CTNNA3: variants seen among roughly 807,000 people sequenced by gnomAD.
CTNNA3 encodes the protein catenin alpha 3.
A neutral mutation model predicts 95.7 loss-of-function variants in CTNNA3; 76 were observed. The observed-to-expected ratio is 0.79, with a 90% confidence interval of 0.66 to 0.96. CTNNA3 has a LOEUF of 0.96. Ranked by LOEUF, CTNNA3 falls within the 40% of genes least tolerant of loss-of-function variation. CTNNA3 has a pLI of 0.00. For synonymous variants in CTNNA3, 431 were observed against 374.4 expected (o/e 1.15, Z -1.74); for missense variants, 1,191 against 1,089.8 (o/e 1.09, Z -1.31).
In CTNNA3 at chr10:66,373,113, A is replaced by C. The variant is rs141299212; in HGVS notation, c.1732+6039T>G. The stretch of plus-strand genomic sequence containing the variant: ...ATTTTTTAAAAAATAAGGCTATACC[A>C]ACAGTGTCACTTTAGATTACTCCAT... On this transcript the variant is annotated intron_variant, in intron 12 of 17. Coordinates refer to ENST00000433211, the MANE Select transcript of CTNNA3 (RefSeq NM_013266.4). Among the ~76,000 whole-genome samples the C allele has an allele frequency of 1.6e-4, 24 of 152,276 alleles. No homozygotes were observed. The East Asian group carries it at 4.4e-3, about 28-fold the overall frequency.
At chr10:67,005,583 T>C (rs1377858644) in intron 7 of CTNNA3, among the ~76,000 whole-genome samples, 3 of 150,868 alleles carry the variant, frequency 2.0e-5, no homozygotes, top group Non-Finnish European at 3.0e-5. Context: ...TGAATATATC[T>C]GATGAATCGG....
At chr10:66,417,568 GA>G (rs1469063907) in intron 11 of CTNNA3, among the ~76,000 whole-genome samples, 1 of 151,914 alleles carries the variant, frequency 6.6e-6, no homozygotes, top group East Asian at 1.9e-4. Context: ...AACAACTGCA[GA>G]ATACACATTA....
At chr10:66,553,430 T>G (rs961890508) in intron 10 of CTNNA3, among the ~76,000 whole-genome samples, 20 of 87,184 alleles carry the variant, frequency 2.3e-4, no homozygotes, top group Non-Finnish European at 4.1e-4. Context: ...AGTTTGGAAA[T>G]GAAGCATATC....
rs1041964930 is a variant in CTNNA3, at chr10:66,875,392, A to G, written c.1048-99868T>C. Reference sequence around the variant, plus strand: ...GTCACTTTTGCTTTTAATCACTGTTATTTAAAAAAAAAAAAAAATAGAAGA... The same window carrying G: ...GTCACTTTTGCTTTTAATCACTGTTGTTTAAAAAAAAAAAAAAATAGAAGA... On this transcript the variant is annotated intron_variant, in intron 7 of 17. Coordinates refer to ENST00000433211, the MANE Select transcript of CTNNA3 (RefSeq NM_013266.4). Among the ~76,000 whole-genome samples the G allele has an allele frequency of 2.1e-4, 14 of 67,560 alleles. 1 individual carries two copies. Among genetic ancestry groups the G allele is most frequent in the Non-Finnish European group, 1.9e-4 (5 of 26,458 alleles). 44.3% of individuals were successfully genotyped at this position (67,560 alleles called of 152,430 possible).
intron 5 of CTNNA3, among the ~76,000 whole-genome samples, chr10:67,406,692 A>T (rs1263350045): frequency 6.6e-6 from 1 of 152,154 alleles, no homozygotes; most frequent in Non-Finnish European, 1.5e-5. Context: ...TAAAAAAGAA[A>T]AGAGAGAAAA....
At chr10:66,622,955 A>G (rs1480074255) in intron 9 of CTNNA3, among the ~76,000 whole-genome samples, 1 of 152,130 alleles carries the variant, frequency 6.6e-6, no homozygotes, top group Non-Finnish European at 1.5e-5. Flanking sequence ...ACAGCCATAC[A>G]TTATTTAACT....
chr10:66,126,259 T>C (rs560813238), intron 13 of CTNNA3, among the ~76,000 whole-genome samples: 1 of 152,356 alleles, frequency 6.6e-6, no homozygotes, highest in South Asian at 2.1e-4. Context: ...TATACTAGTG[T>C]ACTGAAATTA....
intron 9 of CTNNA3, among the ~76,000 whole-genome samples, chr10:66,633,457 G>C (rs1186376846): frequency 6.6e-6 from 1 of 152,134 alleles, no homozygotes; most frequent in Non-Finnish European, 1.5e-5. Context: ...AAGGCGGGCA[G>C]ATCACGAGGT....
At chr10:66,944,671 T>C (rs185679305) in intron 7 of CTNNA3, among the ~76,000 whole-genome samples, 1 of 152,258 alleles carries the variant, frequency 6.6e-6, no homozygotes, top group Admixed American at 6.5e-5. Context: ...TTTGCCCAGA[T>C]CCATCAAAGG....
At chr10:66,320,739 A>G (rs1472042451) in intron 12 of CTNNA3, among the ~76,000 whole-genome samples, 2 of 152,120 alleles carry the variant, frequency 1.3e-5, no homozygotes, top group Non-Finnish European at 2.9e-5. Flanking sequence ...TTGACCTAGT[A>G]ATTTAAAGAT....
At position 67,633,806 on chromosome 10, in the gene CTNNA3, A is replaced by G. The variant is rs561651148; in HGVS notation, c.99+13609T>C. On this transcript the variant is annotated intron_variant, in intron 2 of 17. Transcript: ENST00000433211. ...AAAAGAGTGAAAAGGAAAAAACAAA[A>G]CCTCTGAGAACTACAGGAATACATA... 2.0e-5 allele frequency among the ~76,000 whole-genome samples: 3 copies of G among 152,254 alleles called. No individual in the cohort carries two copies. In the East Asian group the frequency reaches 5.8e-4, roughly 29 times the overall value.
intron 7 of CTNNA3, among the ~76,000 whole-genome samples, chr10:66,933,063 C>T (rs915034288): frequency 6.6e-6 from 1 of 152,158 alleles, no homozygotes; most frequent in Non-Finnish European, 1.5e-5. Context: ...GTGAAAAGTA[C>T]TTTGTAAACT....
At chr10:66,180,383 G>T (rs1484267923) in intron 13 of CTNNA3, among the ~76,000 whole-genome samples, 1 of 152,116 alleles carries the variant, frequency 6.6e-6, no homozygotes, top group Non-Finnish European at 1.5e-5. Flanking sequence ...AAGGGCAAGA[G>T]AACATAAAGA....
At chr10:67,187,792 C>T (rs993231840) in intron 6 of CTNNA3, among the ~76,000 whole-genome samples, 1 of 152,028 alleles carries the variant, frequency 6.6e-6, no homozygotes, top group Non-Finnish European at 1.5e-5. Flanking sequence ...CACCATGTTG[C>T]CCAGGCTGGT....
chr10:66,394,550 T>TAAAAAAAAAAAAAAAA (rs71035137), intron 11 of CTNNA3, among the ~76,000 whole-genome samples: 1 of 128,162 alleles, frequency 7.8e-6, no homozygotes, highest in Non-Finnish European at 1.6e-5. Context: ...AGCACTGGGT[T>TAAAAAAAAAAAAAAAA]AAAAAAAAAA....
At chr10:66,013,037 A>C (rs1016314630) in intron 15 of CTNNA3, among the ~76,000 whole-genome samples, 1 of 152,086 alleles carries the variant, frequency 6.6e-6, no homozygotes, top group Non-Finnish European at 1.5e-5. Flanking sequence ...AGTAGCTGGG[A>C]TTACAGGCAT....
chr10:66,215,521 A>C (rs2088473139), intron 13 of CTNNA3, among the ~76,000 whole-genome samples: 1 of 152,196 alleles, frequency 6.6e-6, no homozygotes, highest in Non-Finnish European at 1.5e-5. Context: ...AAATCAAAAC[A>C]TTACATTGCA....
chr10:65,938,002 T>A (rs1272100124), intron 17 of CTNNA3, among the ~76,000 whole-genome samples: 3 of 148,048 alleles, frequency 2.0e-5, no homozygotes, highest in Admixed American at 6.8e-5. Flanking sequence ...CATGTATTAG[T>A]TATTCTGATG....
At chr10:67,063,034 A>G (rs116779255) in intron 7 of CTNNA3, among the ~76,000 whole-genome samples, 2,171 of 152,118 alleles carry the variant, frequency 0.014, 55 homozygotes, top group African/African-American at 0.05. Context: ...CTAATTTCCT[A>G]AAGTTAATTA....
Sources: allele counts gnomAD v4.1 joint callset (sites outside exome capture counted in the v4.1 genomes callset), GRCh38; gene constraint gnomAD v4.1.1; transcripts MANE v1.5; gene names NCBI Gene and HGNC (gene_info 2026-07-23, HGNC 2026-07-21).